The following LRCH3 variants were observed in gnomAD, a reference collection of about 807,000 sequenced individuals.
The protein encoded by LRCH3 is DISP complex protein LRCH3.
LRCH3 carries 68 observed loss-of-function variants against 104.5 expected under a neutral mutation model. The observed-to-expected ratio is 0.65, with a 90% CI of 0.54 to 0.80. LRCH3 has a LOEUF of 0.80. Ranked by LOEUF, LRCH3 falls within the 30% of genes least tolerant of loss-of-function variation. The pLI is 0.00. For synonymous variants in LRCH3, 344 were observed against 361.3 expected (o/e 0.95, Z 0.54); for missense variants, 951 against 953.9 (o/e 1.00, Z 0.04).
At chr3:197,824,284 C>T (rs539204022) in intron 4 of LRCH3, among the ~76,000 whole-genome samples, 9 of 150,296 alleles carry the variant, frequency 6.0e-5, no homozygotes, top group East Asian at 4.0e-4. Flanking sequence ...AGGCTGGTCT[C>T]GAACCCCTGA....
rs565598701 is a variant in LRCH3, at chr3:197,879,449, A to C, written c.2208+3674A>C. Among the ~76,000 whole-genome samples, 6 of 151,418 alleles carry C rather than the reference A, an allele frequency of 4.0e-5. No homozygotes were observed. In the East Asian group the frequency reaches 5.8e-4, roughly 15 times the overall value. ...ATCACGAGGTCAGGAGATCGAGACC[A>C]TCCTGGCTAACATGGTGAAACCCCG... On this transcript the variant is annotated intron_variant, in intron 20 of 20. Coordinates refer to ENST00000425562, the MANE Select transcript of LRCH3 (RefSeq NM_001365715.1).
At chr3:197,792,560 ACCACGC>A (rs1730651944) in intron 1 of LRCH3, among the ~76,000 whole-genome samples, 1 of 45,802 alleles carries the variant, frequency 2.2e-5, no homozygotes, top group South Asian at 1.1e-3. Flanking sequence ...GGCAGCCGCC[ACCACGC>A]CCAGCTAATT....
intron 2 of LRCH3, among the ~76,000 whole-genome samples, chr3:197,815,879 A>T (rs972563452): frequency 6.6e-6 from 1 of 152,218 alleles, no homozygotes; most frequent in Non-Finnish European, 1.5e-5. Flanking sequence ...TTAATTTTAT[A>T]AGTGATCTTT....
At chr3:197,850,262 A>AAATT in intron 12 of LRCH3, 1 of 579,958 alleles carries the variant, frequency 1.7e-6, no homozygotes, top group South Asian at 2.3e-5. Context: ...AAACTTATTG[A>AAATT]ATGCTTATTA....
chr3:197,874,869 G>A lies in LRCH3; in HGVS notation c.2131-829G>A, dbSNP rs145114292. ...GGAACCCAGTCACACTTTCTTGTTT[G>A]CATATTGTCTATAGTTGCTTTCAAG... On this transcript the variant is annotated intron_variant, in intron 19 of 20. Coordinates refer to ENST00000425562, the MANE Select transcript of LRCH3 (RefSeq NM_001365715.1). 6.6e-4 allele frequency among the ~76,000 whole-genome samples: 100 copies of A among 151,902 alleles called. 1 individual carries two copies. Among genetic ancestry groups the A allele is most frequent in the Non-Finnish European group, 1.3e-3 (89 of 67,972 alleles).
chr3:197,885,310 G>A lies in LRCH3; in HGVS notation c.*1644G>A, dbSNP rs950564732. 1 of 152,164 alleles carries A rather than the reference G, an allele frequency of 6.6e-6. No homozygotes were observed. The highest frequency in any genetic ancestry group is 1.5e-5 in the Non-Finnish European group (1 of 68,046). 9.4% of individuals were successfully genotyped at this position (152,164 alleles called of 1,614,324 possible). A position where few individuals can be genotyped will look rare whatever the true frequency, so the allele number is the denominator to read the frequency against. ...TGCCAGTTTCTGTGGCTGAATTTAAGCACTTACAGCATCTTCCTAGCTGGG... is the reference window on the plus strand; with the variant it reads ...TGCCAGTTTCTGTGGCTGAATTTAAACACTTACAGCATCTTCCTAGCTGGG... On this transcript the variant is annotated 3_prime_UTR_variant, in exon 21 of 21. Coordinates refer to ENST00000425562, the MANE Select transcript of LRCH3 (RefSeq NM_001365715.1).
At chr3:197,841,978 G>A (rs569991065) in intron 10 of LRCH3, among the ~76,000 whole-genome samples, 5 of 152,156 alleles carry the variant, frequency 3.3e-5, no homozygotes, top group African/African-American at 9.6e-5. Context: ...AACTTCAGGC[G>A]TGTGCTACAT....
chr3:197,808,990 A>T (rs1732812254), intron 1 of LRCH3, among the ~76,000 whole-genome samples: 1 of 150,186 alleles, frequency 6.7e-6, no homozygotes, highest in Admixed American at 6.6e-5. Context: ...TCTCTCTCTT[A>T]CTGCTTTCAA....
In LRCH3 at chr3:197,871,461, T is replaced by C. The variant is rs1410324242; in HGVS notation, c.2129T>C (p.Val710Ala). The C allele has an allele frequency of 1.2e-6, 2 of 1,613,246 alleles. No individual in the cohort carries two copies. The highest frequency in any genetic ancestry group is 1.7e-6 in the Non-Finnish European group (2 of 1,179,246). The change falls in exon 19 of 21, where the codon GTA (valine) becomes GCA (alanine). Residue 710 changes from valine to alanine, a missense_variant and splice_region_variant. Coordinates refer to ENST00000425562, the MANE Select transcript of LRCH3 (RefSeq NM_001365715.1). The part of the protein sequence containing the change: ...VPSIHVPSPA[V>A]PKLTMAKCRR... ...AGCATTCATGTTCCCTCACCAGCTG[T>C]AGTAAGTTGATAATCCTAAAAAGCC...
At chr3:197,871,600 T>C in intron 19 of LRCH3, 138 bp downstream of exon 19, 1 of 1,170,720 alleles carries the variant, frequency 8.5e-7, no homozygotes, top group Non-Finnish European at 1.2e-6. Context: ...CTGGTCTCAC[T>C]TCTACTCGAG....
chr3:197,867,806 G>T (rs1052862338), intron 17 of LRCH3, among the ~76,000 whole-genome samples: 2 of 152,086 alleles, frequency 1.3e-5, no homozygotes, highest in African/African-American at 4.8e-5. Context: ...AGTGAGCCGA[G>T]ATCGCACCAC....
chr3:197,815,382 C>T (rs1377899588), intron 2 of LRCH3, among the ~76,000 whole-genome samples: 1 of 152,152 alleles, frequency 6.6e-6, no homozygotes, highest in Admixed American at 6.5e-5. Flanking sequence ...TTATCTTAGG[C>T]TACAGTTGGG....
intron 3 of LRCH3, among the ~76,000 whole-genome samples, chr3:197,819,215 G>A (rs963377796): frequency 6.6e-6 from 1 of 151,752 alleles, no homozygotes; most frequent in Non-Finnish European, 1.5e-5. Context: ...TTGTTGGTTC[G>A]CTCTTTTTTT....
intron 1 of LRCH3, among the ~76,000 whole-genome samples, chr3:197,812,489 A>T (rs1380905042): frequency 7.0e-5 from 4 of 56,904 alleles, no homozygotes; most frequent in African/African-American, 1.7e-4. Flanking sequence ...ATATCTGTTC[A>T]AGTCTCTGCT....
rs944016409 is a variant in LRCH3 at position 197,883,016 on chromosome 3, G to A, written c.2209-525G>A. The A allele has an allele frequency of 6.5e-5, 64 of 985,382 alleles. No individual in the cohort carries two copies. The Middle Eastern group carries it at 1.6e-3, about 24-fold the overall frequency. 61.0% of individuals were successfully genotyped at this position (985,382 alleles called of 1,614,324 possible). ...TGAGTTTCTTGCCCTATCTGGTCTG[G>A]AAACCCTGGTTTTCACAGTCAGGAT... On this transcript the variant is annotated intron_variant, in intron 20 of 20. Transcript: ENST00000425562. The surrounding 1 kb of genome is among the most constrained non-coding windows in gnomAD (Gnocchi z 4.2).
intron 19 of LRCH3, among the ~76,000 whole-genome samples, chr3:197,874,710 A>G (rs1288192218): frequency 6.6e-6 from 1 of 152,160 alleles, no homozygotes; most frequent in African/African-American, 2.4e-5. Context: ...AATGGAAAAA[A>G]AAAGTTTGTA....
At chr3:197,835,963 A>G in intron 9 of LRCH3, 141 bp downstream of exon 9, 2 of 916,294 alleles carry the variant, frequency 2.2e-6, no homozygotes, top group Non-Finnish European at 1.6e-6. Flanking sequence ...TTCAGTCCTG[A>G]GTTTTTCAGA....
At chr3:197,815,332 T>G (rs943880963) in intron 2 of LRCH3, among the ~76,000 whole-genome samples, 1 of 152,196 alleles carries the variant, frequency 6.6e-6, no homozygotes, top group African/African-American at 2.4e-5. Flanking sequence ...CACCAAACAT[T>G]ATAGCCTAGC....
chr3:197,847,447 C>A lies in LRCH3; in HGVS notation c.1367C>A (p.Ala456Glu), dbSNP rs777351087. ...CCATCTTCCCTCCTGTCACTATCAG[C>A]AAGTCACAATCAGGTAATGTTTAGT... Reference protein sequence around the residue: ...AEPSSLLSLSASHNQLSHTDL... With the variant: ...AEPSSLLSLSESHNQLSHTDL... The change falls in exon 11 of 21, where the codon GCA becomes GAA. Residue 456 changes from alanine (A) to glutamate (E), a missense_variant. Coordinates refer to ENST00000425562, the MANE Select transcript of LRCH3 (RefSeq NM_001365715.1). The A allele has an allele frequency of 1.9e-6, 3 of 1,600,216 alleles. No homozygotes were observed. Among genetic ancestry groups the A allele is most frequent in the Non-Finnish European group, 2.6e-6 (3 of 1,175,138 alleles).
Sources: allele counts gnomAD v4.1 joint callset (sites outside exome capture counted in the v4.1 genomes callset), GRCh38; gene constraint gnomAD v4.1.1; non-coding constraint Gnocchi (gnomAD v3.1); transcripts MANE v1.5; gene names NCBI Gene and HGNC (gene_info 2026-07-23, HGNC 2026-07-21).